Variants in MEGF6 observed in about 807,000 individuals in gnomAD.
The protein encoded by MEGF6 is multiple EGF like domains 6.
A neutral mutation model predicts 207.1 loss-of-function variants in MEGF6; 184 were observed. The ratio of observed to expected loss-of-function variants is 0.89; its 90% CI spans 0.79 to 1.00. MEGF6 has a LOEUF of 1.00. Ranked by LOEUF, MEGF6 falls within the 50% of genes least tolerant of loss-of-function variation. The pLI is 0.00. For missense variants in MEGF6, 2,282 were observed against 2,202.9 expected, an observed-to-expected ratio of 1.04 and a Z score of -0.72; for synonymous variants, 1,038 against 910.0, an observed-to-expected ratio of 1.14 and a Z score of -2.53.
chr1:3,512,247 C>G (rs528325965), intron 7 of MEGF6, 119 bp from the exon 8 acceptor site: 2 of 1,327,192 alleles, frequency 1.5e-6, no homozygotes, highest in South Asian at 2.9e-5. Flanking sequence ...ATGACACAGG[C>G]ATTCAAGGCC....
At position 3,556,526 on chromosome 1, in the gene MEGF6, C is replaced by T. The variant is rs1398529105; in HGVS notation, c.481+23299G>A. Among the ~76,000 whole-genome samples the T allele has an allele frequency of 6.6e-6, 1 of 152,186 alleles. No individual in the cohort carries two copies. Among genetic ancestry groups the T allele is most frequent in the African/African-American group, 2.4e-5 (1 of 41,446 alleles). On this transcript the variant is annotated intron_variant, in intron 4 of 36. Transcript: ENST00000356575. The surrounding 1 kb of genome is among the most constrained non-coding windows in gnomAD (Gnocchi z 4.4). ...GGCCGCCCACCAGGTTTTCTGCCTG[C>T]TTCCCACTCCAGTGAGTCAGGAGCG...
At chr1:3,507,326 T>C (rs2101011342) in intron 14 of MEGF6, among the ~76,000 whole-genome samples, 1 of 152,276 alleles carries the variant, frequency 6.6e-6, no homozygotes, top group East Asian at 1.9e-4. Flanking sequence ...TGGGAAACAT[T>C]TTCTGGACTA....
intron 4 of MEGF6, among the ~76,000 whole-genome samples, chr1:3,546,075 G>A (rs1406818989): frequency 1.3e-5 from 2 of 152,346 alleles, no homozygotes; most frequent in Admixed American, 1.3e-4. Context: ...CTCTCCCAGG[G>A]GCCAGGCTGC....
chr1:3,619,287 C>T, the MEGF6 span, among the ~76,000 whole-genome samples: 3,134 of 152,316 alleles, frequency 0.021, 106 homozygotes, highest in African/African-American at 0.069. Flanking sequence ...ACCCCAATCA[C>T]GAACCATCTT....
At chr1:3,553,892 C>T (rs1642960096) in intron 4 of MEGF6, among the ~76,000 whole-genome samples, 1 of 152,188 alleles carries the variant, frequency 6.6e-6, no homozygotes, top group Non-Finnish European at 1.5e-5. Flanking sequence ...ACCCCGTTGG[C>T]CAGCACACCA....
intron 5 of MEGF6, among the ~76,000 whole-genome samples, chr1:3,521,655 C>T (rs1641751721): frequency 6.6e-6 from 1 of 152,174 alleles, no homozygotes; most frequent in African/African-American, 2.4e-5. Context: ...CTTTTCAGGC[C>T]CCCACAGAGA....
chr1:3,524,384 C>A lies in MEGF6; in HGVS notation c.482-138G>T, dbSNP rs1039748198. 7 of 1,102,880 alleles carry A rather than the reference C, an allele frequency of 6.3e-6. No homozygotes were observed. The African/African-American group carries it at 9.4e-5, about 15-fold the overall frequency. 68.3% of individuals were successfully genotyped at this position (1,102,880 alleles called of 1,614,324 possible). ...GCACCACCCATGAGCCCCTCACCCA[C>A]ATCTGCCGGAGACGCAGCAGAAGAG... is the stretch of plus-strand genomic sequence containing the variant. On this transcript the variant is annotated intron_variant, in intron 4 of 36. Coordinates refer to ENST00000356575, the MANE Select transcript of MEGF6 (RefSeq NM_001409.4).
chr1:3,532,112 G>T (rs1352737399), intron 4 of MEGF6, among the ~76,000 whole-genome samples: 1 of 152,248 alleles, frequency 6.6e-6, no homozygotes, highest in African/African-American at 2.4e-5. Flanking sequence ...GCAGTGCCCA[G>T]GTGTCAGGCT....
intron 5 of MEGF6, among the ~76,000 whole-genome samples, chr1:3,520,736 G>C (rs1641716835): frequency 6.6e-6 from 1 of 152,198 alleles, no homozygotes; most frequent in Admixed American, 6.5e-5. Context: ...CTTTTGAGAG[G>C]GGAACCCTTT....
intron 10 of MEGF6, 116 bp from the exon 11 acceptor site, chr1:3,510,108 G>A: frequency 7.5e-7 from 1 of 1,340,344 alleles, no homozygotes; most frequent in Admixed American, 2.8e-5. Flanking sequence ...CCAGAGCTGA[G>A]TAGCATCTCT....
At chr1:3,554,279 G>T (rs572381085) in intron 4 of MEGF6, among the ~76,000 whole-genome samples, 12 of 152,148 alleles carry the variant, frequency 7.9e-5, no homozygotes, top group Non-Finnish European at 1.3e-4. Context: ...ATCAACCAGC[G>T]CCCCGACCAG....
chr1:3,574,216 G>T (rs1289969258), intron 4 of MEGF6, among the ~76,000 whole-genome samples: 2 of 151,972 alleles, frequency 1.3e-5, no homozygotes, highest in African/African-American at 4.8e-5. Context: ...AGGAGCACCT[G>T]CCAGCTGGCC....
At chr1:3,608,925 G>A (rs889483659) in intron 1 of MEGF6, among the ~76,000 whole-genome samples, 1 of 152,202 alleles carries the variant, frequency 6.6e-6, no homozygotes, top group Non-Finnish European at 1.5e-5. Context: ...AAAGCACCTG[G>A]ATCTGCGAGT....
chr1:3,499,759 G>A (rs1640774428), intron 22 of MEGF6, 37 bp downstream of exon 22: 2 of 1,586,860 alleles, frequency 1.3e-6, no homozygotes, highest in East Asian at 2.3e-5. Flanking sequence ...CACACTGGAG[G>A]CCACCCAGCC....
rs1428525309 is a variant in MEGF6 at position 3,510,825 on chromosome 1, A to T, written c.1192T>A (p.Tyr398Asn). The T allele has an allele frequency of 6.2e-7, 1 of 1,610,508 alleles. No individual in the cohort carries two copies. The highest frequency in any genetic ancestry group is 8.5e-7 in the Non-Finnish European group (1 of 1,178,146). Residue 398 changes from tyrosine to asparagine, a missense_variant, in exon 10 of 37, where the codon TAC (tyrosine) becomes AAC (asparagine). Tyr to Asn is a moderately radical substitution (Grantham distance 143). Coordinates refer to ENST00000356575, the MANE Select transcript of MEGF6 (RefSeq NM_001409.4). ...TCGGCACTGAGCCGGTAGCCGGCGT[A>T]GCAGCCGCACTCGTACCCGCCAGGG... ...NNPGGYECGC[Y>N]AGYRLSADGC...
chr1:3,494,182 G>T lies in MEGF6; in HGVS notation c.4130-58C>A, dbSNP rs556256956. 125 of 1,514,618 alleles carry T rather than the reference G, an allele frequency of 8.3e-5. No individual in the cohort carries two copies. The East Asian group carries it at 2.9e-3, about 35-fold the overall frequency. The allele number at this position is 1,514,618 out of a possible 1,614,324, so 93.8% of individuals were successfully genotyped here. On this transcript the variant is annotated intron_variant, in intron 32 of 36. Transcript: ENST00000356575. ...ACACGGTGGCAGAAATGTCCAGTTT[G>T]CCCAGAGTGAGTAAAACCCGCCAAT... is the stretch of plus-strand genomic sequence containing the variant.
chr1:3,523,881 G>A (rs1891142), intron 5 of MEGF6, among the ~76,000 whole-genome samples: 11,315 of 152,328 alleles, frequency 0.074, 570 homozygotes, highest in South Asian at 0.13. Context: ...TGGCTGCAGA[G>A]GGTCTGCAGC....
At chr1:3,579,683 G>C in intron 4 of MEGF6, 142 bp downstream of exon 4, 1 of 546,824 alleles carries the variant, frequency 1.8e-6, no homozygotes, top group Non-Finnish European at 3.1e-6. Context: ...AGGGATTGCG[G>C]AATGTCCTCA....
At chr1:3,490,733 C>A (rs1445968073) in intron 36 of MEGF6, 144 bp from the exon 37 acceptor site, 2 of 1,175,150 alleles carry the variant, frequency 1.7e-6, no homozygotes, top group Admixed American at 4.4e-5. Context: ...CCATCCTTCC[C>A]AGCCTGTCCT....
Sources: gnomAD v4.1 joint callset for allele counts (sites outside exome capture counted in the v4.1 genomes callset) on GRCh38, gnomAD v4.1.1 for gene constraint, Gnocchi (gnomAD v3.1) non-coding constraint, MANE v1.5 for transcripts, NCBI Gene and HGNC (gene_info 2026-07-23, HGNC 2026-07-21) for gene names.